Variants in CDH13 observed in about 807,000 individuals in gnomAD.
CDH13 encodes cadherin-13.
CDH13 carries 24 observed loss-of-function variants against 63.8 expected under a neutral mutation model. The ratio of observed to expected loss-of-function variants is 0.38; its 90% CI spans 0.27 to 0.53. The LOEUF is 0.53. Among genes scored for constraint, CDH13 ranks in the 20% least tolerant of loss-of-function variants. CDH13 has a pLI of 0.85. For missense variants in CDH13, 1,049 were observed against 903.1 expected, an observed-to-expected ratio of 1.16 and a Z score of -2.07; for synonymous variants, 503 against 355.3, an observed-to-expected ratio of 1.42 and a Z score of -4.67.
chr16:83,149,152 A>G (rs2036870272), intron 4 of CDH13, among the ~76,000 whole-genome samples: 1 of 152,188 alleles, frequency 6.6e-6, no homozygotes, highest in South Asian at 2.1e-4. Context: ...GAATTACATT[A>G]TTTCCTCTCT....
intron 6 of CDH13, among the ~76,000 whole-genome samples, chr16:83,413,515 C>T (rs558866860): frequency 2.8e-4 from 43 of 152,250 alleles, no homozygotes; most frequent in Non-Finnish European, 3.7e-4. Context: ...TTATGCAATG[C>T]GGTAATGTTC....
At chr16:83,739,555 C>T (rs1291997867) in intron 10 of CDH13, among the ~76,000 whole-genome samples, 1 of 151,992 alleles carries the variant, frequency 6.6e-6, no homozygotes, top group Non-Finnish European at 1.5e-5. Flanking sequence ...TCGGGACCCC[C>T]AGCACACAAA....
chr16:82,838,195 A>G (rs567758687), intron 1 of CDH13, among the ~76,000 whole-genome samples: 1 of 152,268 alleles, frequency 6.6e-6, no homozygotes, highest in South Asian at 2.1e-4. Context: ...TGTTCCCATC[A>G]CTGAGTTCTA....
At chr16:83,061,972 T>C (rs1231905089) in intron 3 of CDH13, among the ~76,000 whole-genome samples, 2 of 152,138 alleles carry the variant, frequency 1.3e-5, no homozygotes, top group East Asian at 3.9e-4. Context: ...GAAACTGAGA[T>C]AGTGAGCTGG....
At chr16:83,074,146 C>T (rs985986458) in intron 3 of CDH13, among the ~76,000 whole-genome samples, 5 of 152,122 alleles carry the variant, frequency 3.3e-5, no homozygotes, top group Admixed American at 2.6e-4. Context: ...CCTCCCAGAC[C>T]GACAAACATC....
intron 5 of CDH13, among the ~76,000 whole-genome samples, chr16:83,249,897 CAT>C (rs1905324111): frequency 6.6e-6 from 1 of 152,196 alleles, no homozygotes; most frequent in South Asian, 2.1e-4. Context: ...TGATGGTCCT[CAT>C]GTGTTAATTG....
At chr16:83,743,559 G>T (rs1227305698) in intron 10 of CDH13, among the ~76,000 whole-genome samples, 2 of 152,148 alleles carry the variant, frequency 1.3e-5, no homozygotes, top group Non-Finnish European at 2.9e-5. Flanking sequence ...AGCATTGCTT[G>T]TACGCCAAAC....
In CDH13 at chr16:83,032,150, A is replaced by AC. The variant is rs752068202; in HGVS notation, c.304dup (p.His102ProfsTer25). On this transcript the variant is annotated frameshift_variant, in exon 3 of 14. Transcript: ENST00000567109. LOFTEE classifies it high-confidence loss of function. The stretch of plus-strand genomic sequence containing the variant: ...CAAAACTCTGTTCGTCCATGCACGG[A>AC]CCCCCCATGCGGAAGATATGGCAGA... 6 of 1,613,454 alleles carry AC rather than the reference A, an allele frequency of 3.7e-6. No individual in the cohort carries two copies. Among genetic ancestry groups the AC allele is most frequent in the Non-Finnish European group, 5.1e-6 (6 of 1,179,748 alleles).
intron 4 of CDH13, among the ~76,000 whole-genome samples, chr16:83,188,162 T>G (rs2038584976): frequency 6.6e-6 from 1 of 152,136 alleles, no homozygotes. Context: ...TGGGCTTTGG[T>G]GAAGACAGAT....
At chr16:82,894,189 A>T (rs1270870893) in intron 2 of CDH13, among the ~76,000 whole-genome samples, 1 of 152,148 alleles carries the variant, frequency 6.6e-6, no homozygotes, top group Non-Finnish European at 1.5e-5. Context: ...TCCTGGGCTC[A>T]AGCAATCCAC....
At chr16:82,962,299 C>T (rs2151345409) in intron 2 of CDH13, among the ~76,000 whole-genome samples, 1 of 152,280 alleles carries the variant, frequency 6.6e-6, no homozygotes, top group African/African-American at 2.4e-5. Context: ...ATTCCCAGAG[C>T]CACCAGGAGG....
chr16:83,793,040 G>C (rs376345714), intron 13 of CDH13, among the ~76,000 whole-genome samples: 44 of 152,310 alleles, frequency 2.9e-4, no homozygotes, highest in African/African-American at 9.6e-4. Flanking sequence ...ATCAGTAGGA[G>C]TGAGAACAAA....
intron 2 of CDH13, among the ~76,000 whole-genome samples, chr16:82,980,782 T>G (rs1396787741): frequency 6.6e-6 from 1 of 152,202 alleles, no homozygotes; most frequent in Admixed American, 6.5e-5. Context: ...TCTTCTCTGG[T>G]CCTCATTTTT....
At chr16:83,744,152 A>G (rs404619) in intron 10 of CDH13, among the ~76,000 whole-genome samples, 52,578 of 152,024 alleles carry the variant, frequency 0.35, 9,325 homozygotes, top group African/African-American at 0.38. Context: ...CTGTGTGTCT[A>G]TTGACCAACT....
At chr16:83,653,982 C>T (rs1013927709) in intron 8 of CDH13, among the ~76,000 whole-genome samples, 15 of 152,204 alleles carry the variant, frequency 9.9e-5, no homozygotes, top group Non-Finnish European at 1.9e-4. Context: ...GCTAGGAACA[C>T]ACACATGGGT....
At chr16:82,664,864 T>G (rs1426149572) in intron 1 of CDH13, among the ~76,000 whole-genome samples, 1 of 152,230 alleles carries the variant, frequency 6.6e-6, no homozygotes, top group Non-Finnish European at 1.5e-5. Context: ...TTTGTACATA[T>G]ATATTCTTAC....
Position 82,639,488 on chromosome 16 carries a change from C to T in CDH13, c.45+12351C>T, listed in dbSNP as rs565426910. 5.5e-6 allele frequency: 8 copies of T among 1,461,822 alleles called. No homozygotes were observed. In the African/African-American group the frequency reaches 7.0e-5, roughly 13 times the overall value. 90.6% of individuals were successfully genotyped at this position (1,461,822 alleles called of 1,614,324 possible). A position where few individuals can be genotyped will look rare whatever the true frequency, so the allele number is the denominator to read the frequency against. ...CAGGTAAATTTGCCTGCTGCTGTGTCGTGTGGCTGGATGGAATTCTTCCCT... is the reference window on the plus strand; with the variant it reads ...CAGGTAAATTTGCCTGCTGCTGTGTTGTGTGGCTGGATGGAATTCTTCCCT... On this transcript the variant is annotated intron_variant, in intron 1 of 13. Coordinates refer to ENST00000567109, the MANE Select transcript of CDH13 (RefSeq NM_001257.5).
Position 83,337,621 on chromosome 16 carries a change from A to ATTTTTTTTTTTTTT in CDH13, c.637-7225_637-7212dup, listed in dbSNP as rs66957563. Reference sequence around the variant, plus strand: ...ATTTGAGAATTAAATTGACAAGCGTATTTTTTTTTTTTTTTTTTTTTTTTT... The same window carrying ATTTTTTTTTTTTTT: ...ATTTGAGAATTAAATTGACAAGCGTATTTTTTTTTTTTTTTTTTTTTTTTTTTTTTTTTTTTTTT... On this transcript the variant is annotated intron_variant, in intron 5 of 13. Transcript: ENST00000567109. 1.3e-4 allele frequency among the ~76,000 whole-genome samples: 7 copies of ATTTTTTTTTTTTTT among 52,246 alleles called. 1 individual carries two copies. The highest frequency in any genetic ancestry group is 4.9e-4 in the African/African-American group (6 of 12,142). The allele number at this position is 52,246 out of a possible 152,430, so 34.3% of individuals were successfully genotyped here.
intron 6 of CDH13, among the ~76,000 whole-genome samples, chr16:83,453,590 A>G (rs938255656): frequency 1.3e-5 from 2 of 152,092 alleles, no homozygotes; most frequent in Non-Finnish European, 2.9e-5. Flanking sequence ...AAGTGGACGG[A>G]GTCAGGGCTG....
Sources: gnomAD v4.1 joint callset for allele counts (sites outside exome capture counted in the v4.1 genomes callset) on GRCh38, gnomAD v4.1.1 for gene constraint, MANE v1.5 for transcripts, NCBI Gene and HGNC (gene_info 2026-07-23, HGNC 2026-07-21) for gene names.